The following BTRC variants were observed in gnomAD, a reference collection of about 807,000 sequenced individuals.
BTRC encodes the protein beta-transducin repeat containing E3 ubiquitin protein ligase.
A neutral mutation model predicts 85.5 loss-of-function variants in BTRC; 42 were observed. That is an observed-to-expected ratio of 0.49 (90% CI 0.38 to 0.64). The LOEUF (loss-of-function observed/expected upper bound fraction) is 0.64. BTRC is among the 30% of genes least tolerant of loss of function. The probability of loss-of-function intolerance (pLI) is 0.00; values close to 1 mark genes in which losing one functional copy is unlikely to be tolerated. For missense variants in BTRC, 594 were observed against 743.5 expected, an observed-to-expected ratio of 0.80 and a Z score of 2.34; for synonymous variants, 255 against 263.3, an observed-to-expected ratio of 0.97 and a Z score of 0.30.
At chr10:101,450,325 A>G (rs1305441363) in intron 2 of BTRC, among the ~76,000 whole-genome samples, 1 of 152,088 alleles carries the variant, frequency 6.6e-6, no homozygotes, top group African/African-American at 2.4e-5. Flanking sequence ...TCTTTCTCCT[A>G]TAGCTAGACT....
intron 1 of BTRC, among the ~76,000 whole-genome samples, chr10:101,375,791 T>A (rs1042733190): frequency 5.3e-5 from 8 of 152,148 alleles, no homozygotes; most frequent in African/African-American, 1.4e-4. Context: ...TAGTTCTTTT[T>A]CCCCCCTCTT....
chr10:101,370,305 G>A (rs901655413), intron 1 of BTRC, among the ~76,000 whole-genome samples: 14 of 151,874 alleles, frequency 9.2e-5, no homozygotes, highest in African/African-American at 3.4e-4. Flanking sequence ...GTAGAGATGG[G>A]GTTTCCCCAT....
At chr10:101,518,912 A>C (rs2062061092) in intron 4 of BTRC, among the ~76,000 whole-genome samples, 1 of 152,154 alleles carries the variant, frequency 6.6e-6, no homozygotes, top group African/African-American at 2.4e-5. Context: ...GCAAGTTAAA[A>C]CAATACGTAT....
At chr10:101,469,564 A>G (rs937949962) in intron 3 of BTRC, among the ~76,000 whole-genome samples, 1 of 152,208 alleles carries the variant, frequency 6.6e-6, no homozygotes, top group African/African-American at 2.4e-5. Context: ...TGATACATTT[A>G]TTGATGACTG....
intron 1 of BTRC, among the ~76,000 whole-genome samples, chr10:101,376,666 C>T (rs1243382417): frequency 6.6e-6 from 1 of 151,884 alleles, no homozygotes; most frequent in East Asian, 1.9e-4. Flanking sequence ...GTGGCTGGTC[C>T]CTCAGCTCAT....
chr10:101,421,951 G>T (rs1944113947), intron 1 of BTRC, among the ~76,000 whole-genome samples: 1 of 151,992 alleles, frequency 6.6e-6, no homozygotes, highest in Non-Finnish European at 1.5e-5. Context: ...TGTGTCTTTA[G>T]AGCAGCATGA....
intron 2 of BTRC, among the ~76,000 whole-genome samples, chr10:101,456,168 CAAAAAA>C (rs11321590): frequency 1.5e-5 from 2 of 136,524 alleles, no homozygotes; most frequent in African/African-American, 2.8e-5. Flanking sequence ...GACTCTGTTT[CAAAAAA>C]AAAAAAAGAA....
intron 3 of BTRC, among the ~76,000 whole-genome samples, chr10:101,475,732 G>A (rs1406613718): frequency 1.3e-5 from 2 of 150,770 alleles, no homozygotes; most frequent in African/African-American, 4.9e-5. Context: ...ATAAATGAGG[G>A]GTGAAATCAC....
At chr10:101,414,748 A>C (rs1564757214) in intron 1 of BTRC, 1 of 349,674 alleles carries the variant, frequency 2.9e-6, no homozygotes, top group Non-Finnish European at 5.7e-6. Context: ...GTGTGTGTTC[A>C]TGTGTTGGTT....
intron 13 of BTRC, among the ~76,000 whole-genome samples, chr10:101,543,954 G>A (rs1007096577): frequency 4.6e-5 from 7 of 152,162 alleles, no homozygotes; most frequent in African/African-American, 1.7e-4. Flanking sequence ...CTGTCACCCA[G>A]GCTGGAGTGC....
intron 1 of BTRC, among the ~76,000 whole-genome samples, chr10:101,418,102 C>T (rs1158440521): frequency 1.3e-5 from 2 of 152,164 alleles, no homozygotes; most frequent in Non-Finnish European, 2.9e-5. Context: ...CACAGTGGCT[C>T]ACACCAGTAA....
At chr10:101,511,294 C>G (rs942014362) in intron 4 of BTRC, among the ~76,000 whole-genome samples, 2 of 151,988 alleles carry the variant, frequency 1.3e-5, no homozygotes, top group Admixed American at 1.3e-4. Flanking sequence ...CTAGAAGGAT[C>G]TTCCCCAAGA....
chr10:101,542,753 T>G (rs1428560859), intron 13 of BTRC, among the ~76,000 whole-genome samples: 2 of 152,156 alleles, frequency 1.3e-5, no homozygotes, highest in East Asian at 3.9e-4. Context: ...TTTGTATTTT[T>G]TTTTAGAGAT....
chr10:101,508,009 T>A (rs1946585880), intron 4 of BTRC, among the ~76,000 whole-genome samples: 1 of 152,178 alleles, frequency 6.6e-6, no homozygotes, highest in Non-Finnish European at 1.5e-5. Flanking sequence ...CCTATCACCC[T>A]GGAAGCTATA....
intron 1 of BTRC, among the ~76,000 whole-genome samples, chr10:101,407,445 G>A (rs780733461): frequency 3.9e-5 from 6 of 152,072 alleles, no homozygotes; most frequent in African/African-American, 1.2e-4. Context: ...AAACAGTCTC[G>A]CTTTGTTGCC....
rs182180102 is a variant in BTRC at position 101,516,463 on chromosome 10, C to A, written c.325-5176C>A. 2.0e-3 allele frequency among the ~76,000 whole-genome samples: 309 copies of A among 152,190 alleles called. 2 individuals are homozygous for A. Among genetic ancestry groups the A allele is most frequent in the African/African-American group, 6.9e-3 (288 of 41,512 alleles). On this transcript the variant is annotated intron_variant, in intron 4 of 14. Transcript: ENST00000370187. ...AGTATGGGGTAGTGGTTGAGAGTAACCCATTTGTTAATGGATCTCAGGTAT... is the reference window on the plus strand; with the variant it reads ...AGTATGGGGTAGTGGTTGAGAGTAAACCATTTGTTAATGGATCTCAGGTAT...
intron 1 of BTRC, among the ~76,000 whole-genome samples, chr10:101,379,555 T>C (rs981469752): frequency 6.6e-6 from 1 of 152,206 alleles, no homozygotes; most frequent in Non-Finnish European, 1.5e-5. Flanking sequence ...TATGGAGGCC[T>C]GCATAATATA....
At chr10:101,417,524 A>G (rs1030513334) in intron 1 of BTRC, among the ~76,000 whole-genome samples, 2 of 152,240 alleles carry the variant, frequency 1.3e-5, no homozygotes, top group African/African-American at 4.8e-5. Context: ...TAGTGATATT[A>G]ATGTTGATTA....
intron 13 of BTRC, among the ~76,000 whole-genome samples, chr10:101,544,256 C>T (rs927111404): frequency 6.6e-6 from 1 of 152,168 alleles, no homozygotes; most frequent in African/African-American, 2.4e-5. Context: ...TTTTTACCCA[C>T]ACGTTTACCT....
Sources: allele counts gnomAD v4.1 joint callset (sites outside exome capture counted in the v4.1 genomes callset), GRCh38; gene constraint gnomAD v4.1.1; transcripts MANE v1.5; gene names NCBI Gene and HGNC (gene_info 2026-07-23, HGNC 2026-07-21).